The following UBE3C variants were observed in gnomAD, a reference collection of about 807,000 sequenced individuals.
The protein encoded by UBE3C is ubiquitin protein ligase E3C.
In UBE3C, 42 loss-of-function variants were observed where a neutral mutation model predicts 129.4. That is an observed-to-expected ratio of 0.32 (90% CI 0.25 to 0.42). The LOEUF (loss-of-function observed/expected upper bound fraction) is 0.42, where lower values mean the gene tolerates loss of function less well. Ranked by LOEUF, UBE3C falls within the 10% of genes least tolerant of loss-of-function variation. The probability of loss-of-function intolerance (pLI) is 1.00; values close to 1 mark genes in which losing one functional copy is unlikely to be tolerated. For missense variants in UBE3C, 1,049 were observed against 1,319.1 expected (o/e 0.80, Z 3.17); for synonymous variants, 510 against 492.4 (o/e 1.04, Z -0.47).
chr7:157,244,903 C>T (rs150105960), intron 18 of UBE3C, among the ~76,000 whole-genome samples: 6 of 152,130 alleles, frequency 3.9e-5, no homozygotes, highest in African/African-American at 1.2e-4. Context: ...TAGGAACAAG[C>T]GTGGTACAGC....
intron 21 of UBE3C, 140 bp from the exon 22 acceptor site, chr7:157,256,772 TAC>T: frequency 1.0e-6 from 1 of 999,256 alleles, no homozygotes; most frequent in Non-Finnish European, 1.5e-6. Context: ...ACACAGGTGA[TAC>T]ACACATGCCA....
chr7:157,167,501 T>G (rs1808249283), intron 2 of UBE3C, among the ~76,000 whole-genome samples: 2 of 152,186 alleles, frequency 1.3e-5, no homozygotes, highest in African/African-American at 4.8e-5. Flanking sequence ...ACCTGTAAGA[T>G]GACTGTGCAT....
intron 2 of UBE3C, among the ~76,000 whole-genome samples, chr7:157,165,034 C>G (rs1808176242): frequency 6.6e-6 from 1 of 152,180 alleles, no homozygotes; most frequent in Non-Finnish European, 1.5e-5. Context: ...CCCATGGCCT[C>G]TACCCACTAA....
rs1322582429 is a variant in UBE3C at position 157,186,936 on chromosome 7, T to C, written c.1246T>C (p.Ser416Pro). The change falls in exon 10 of 23, where the codon TCT becomes CCT. Residue 416 changes from serine to proline, a missense_variant. Transcript: ENST00000348165. Reference protein sequence around the residue: ...NTLLNLVWRDSASEEVFTTMA... With the variant: ...NTLLNLVWRDPASEEVFTTMA... ...CCTGCTCAACCTGGTGTGGAGGGAC[T>C]CTGCGAGCGAGGAGGTCTTCACCAC... 1 of 1,613,916 alleles carries C rather than the reference T, an allele frequency of 6.2e-7. No homozygotes were observed.
At chr7:157,150,323 G>A (rs1431704823) in intron 1 of UBE3C, among the ~76,000 whole-genome samples, 4 of 151,888 alleles carry the variant, frequency 2.6e-5, no homozygotes, top group Admixed American at 2.6e-4. Context: ...AGGTTGCAGT[G>A]AGCTGAGATC....
At chr7:157,240,159 A>G (rs569207064) in intron 18 of UBE3C, among the ~76,000 whole-genome samples, 2 of 152,156 alleles carry the variant, frequency 1.3e-5, no homozygotes, top group South Asian at 4.2e-4. Flanking sequence ...GGTTCAAGCA[A>G]TTCTCGTGCC....
At chr7:157,156,597 A>G (rs986736881) in intron 1 of UBE3C, among the ~76,000 whole-genome samples, 2 of 151,788 alleles carry the variant, frequency 1.3e-5, no homozygotes, top group African/African-American at 4.8e-5. Flanking sequence ...TGAGCACCGC[A>G]TCCGGCCCCA....
intron 1 of UBE3C, among the ~76,000 whole-genome samples, chr7:157,148,046 T>C (rs1807654415): frequency 6.6e-6 from 1 of 152,176 alleles, no homozygotes; most frequent in African/African-American, 2.4e-5. Flanking sequence ...ACTGGCCTTA[T>C]GGAATGAGGA....
At chr7:157,201,937 C>A in intron 11 of UBE3C, 130 bp downstream of exon 11, 1 of 699,096 alleles carries the variant, frequency 1.4e-6, no homozygotes, top group Non-Finnish European at 2.4e-6. Context: ...AGGTAAGTTC[C>A]AGATGGTCTC....
At chr7:157,256,579 T>G (rs1345068823) in intron 21 of UBE3C, 1 of 175,852 alleles carries the variant, frequency 5.7e-6, no homozygotes, top group South Asian at 1.8e-4. Context: ...CCTTCATATC[T>G]GTGGGTTCTG....
chr7:157,225,354 GTTGTAAGAGGTCT>G, intron 16 of UBE3C, 40 bp from the exon 17 acceptor site: 1 of 1,561,836 alleles, frequency 6.4e-7, no homozygotes, highest in South Asian at 1.2e-5. Context: ...TCTTTGGTAG[GTTGTAAGAGGTCT>G]TTTGTTTCTA....
At position 157,256,119 on chromosome 7, in the gene UBE3C, T is replaced by A. The variant is rs190257034; in HGVS notation, c.2951-795T>A. The stretch of plus-strand genomic sequence containing the variant: ...TGCATTCATCTTTATAGTTACAGGG[T>A]GATCCTTATTCTAGCTTTTTATGTA... On this transcript the variant is annotated intron_variant, in intron 21 of 22. Transcript: ENST00000348165. 7.9e-5 allele frequency among the ~76,000 whole-genome samples: 12 copies of A among 152,148 alleles called. No individual in the cohort carries two copies. The East Asian group carries it at 2.3e-3, about 29-fold the overall frequency.
chr7:157,206,781 C>T (rs1318349193), intron 11 of UBE3C, among the ~76,000 whole-genome samples: 1 of 113,020 alleles, frequency 8.8e-6, no homozygotes, highest in Non-Finnish European at 1.7e-5. Flanking sequence ...TATCATAGCT[C>T]TTGATGGGTG....
chr7:157,218,168 G>A (rs1297961307), intron 14 of UBE3C, among the ~76,000 whole-genome samples: 1 of 152,020 alleles, frequency 6.6e-6, no homozygotes, highest in East Asian at 1.9e-4. Context: ...CATGTCGGCT[G>A]GGCGCGGTGG....
intron 13 of UBE3C, among the ~76,000 whole-genome samples, chr7:157,211,969 TGAG>T (rs920406985): frequency 2.6e-5 from 4 of 152,232 alleles, no homozygotes; most frequent in African/African-American, 9.6e-5. Context: ...TTGACTCACT[TGAG>T]GAAAACGGTT....
In UBE3C at chr7:157,249,032, AAAAAG is replaced by A. The variant is rs567773224; in HGVS notation, c.2694+456_2694+460del. On this transcript the variant is annotated intron_variant, in intron 19 of 22. Coordinates refer to ENST00000348165, the MANE Select transcript of UBE3C (RefSeq NM_014671.3). ...TTACTTATATCCTTTTTAAAAAAGA[AAAAAG>A]AAAGGTCTATATTAGAGATTCAAAC... Among the ~76,000 whole-genome samples, 449 of 152,370 alleles carry A rather than the reference AAAAAG, an allele frequency of 2.9e-3. 1 individual carries two copies. Among genetic ancestry groups the A allele is most frequent in the Non-Finnish European group, 5.0e-3 (342 of 68,046 alleles).
chr7:157,151,515 C>A (rs1373922251), intron 1 of UBE3C, among the ~76,000 whole-genome samples: 2 of 152,106 alleles, frequency 1.3e-5, no homozygotes, highest in African/African-American at 4.8e-5. Context: ...TAGATGTGCC[C>A]TCCTGATCAT....
intron 5 of UBE3C, among the ~76,000 whole-genome samples, chr7:157,177,809 C>T (rs542391098): frequency 2.6e-5 from 4 of 152,214 alleles, no homozygotes; most frequent in African/African-American, 7.2e-5. Context: ...GAACCCTGCA[C>T]GTTATTCCCC....
intron 13 of UBE3C, 41 bp from the exon 14 acceptor site, chr7:157,216,826 C>T (rs990906002): frequency 1.6e-5 from 24 of 1,499,162 alleles, no homozygotes; most frequent in African/African-American, 2.8e-5. Flanking sequence ...ATTGTGCTGC[C>T]GAGCTCACGT....
Sources: gnomAD v4.1 joint callset for allele counts (sites outside exome capture counted in the v4.1 genomes callset) on GRCh38, gnomAD v4.1.1 for gene constraint, MANE v1.5 for transcripts, NCBI Gene and HGNC (gene_info 2026-07-23, HGNC 2026-07-21) for gene names.